The following COL22A1 variants were observed in gnomAD, a reference collection of about 807,000 sequenced individuals.
COL22A1 encodes collagen alpha-1(XXII) chain.
In COL22A1, 221 loss-of-function variants were observed where a neutral mutation model predicts 248.9. The observed-to-expected ratio is 0.89, with a 90% CI of 0.80 to 0.99. The LOEUF is 0.99. Ranked by LOEUF, COL22A1 falls within the 50% of genes least tolerant of loss-of-function variation. The pLI, the probability that COL22A1 is intolerant of heterozygous loss-of-function variation, is 0.00. For synonymous variants in COL22A1, 891 were observed against 793.4 expected (o/e 1.12, Z -2.07); for missense variants, 2,240 against 2,179.0 (o/e 1.03, Z -0.56).
chr8:138,788,031 G>T (rs1181612094), intron 12 of COL22A1, among the ~76,000 whole-genome samples: 1 of 152,210 alleles, frequency 6.6e-6, no homozygotes, highest in East Asian at 1.9e-4. Flanking sequence ...TGCTAGAGGT[G>T]CTGTTACTAA....
intron 13 of COL22A1, among the ~76,000 whole-genome samples, chr8:138,779,865 A>T (rs776348837): frequency 2.6e-5 from 4 of 152,216 alleles, no homozygotes; most frequent in Non-Finnish European, 5.9e-5. Flanking sequence ...TACTTGGCTC[A>T]AGTGATCCTT....
intron 57 of COL22A1, among the ~76,000 whole-genome samples, chr8:138,606,660 G>A (rs1360098260): frequency 1.3e-5 from 2 of 152,226 alleles, no homozygotes; most frequent in African/African-American, 4.8e-5. Flanking sequence ...AGAAGATGAG[G>A]TCTCCCTGTA....
At chr8:138,629,677 C>T (rs1329878656) in intron 50 of COL22A1, among the ~76,000 whole-genome samples, 3 of 152,148 alleles carry the variant, frequency 2.0e-5, no homozygotes, top group Admixed American at 2.0e-4. Flanking sequence ...GACTTAACTC[C>T]CAACTTGGAC....
At chr8:138,642,942 T>C (rs903334545) in intron 47 of COL22A1, among the ~76,000 whole-genome samples, 1 of 150,936 alleles carries the variant, frequency 6.6e-6, no homozygotes, top group Non-Finnish European at 1.5e-5. Flanking sequence ...GGCAGGAGAA[T>C]CGCTTGAACC....
At chr8:138,829,374 CCTT>C (rs1357037865) in intron 5 of COL22A1, among the ~76,000 whole-genome samples, 3 of 147,442 alleles carry the variant, frequency 2.0e-5, no homozygotes, top group Non-Finnish European at 4.5e-5. Context: ...TTCATTTTCT[CCTT>C]CTTTTCTTTA....
At chr8:138,806,238 T>C (rs1027403429) in intron 10 of COL22A1, among the ~76,000 whole-genome samples, 3 of 118,186 alleles carry the variant, frequency 2.5e-5, no homozygotes, top group African/African-American at 1.1e-4. Context: ...ATGTGTGTGA[T>C]GGTACGTGTG....
At chr8:138,805,250 G>GTCT (rs1817410709) in intron 10 of COL22A1, among the ~76,000 whole-genome samples, 1 of 146,614 alleles carries the variant, frequency 6.8e-6, no homozygotes, top group East Asian at 2.1e-4. Context: ...GATGGTGTCT[G>GTCT]ATGATGTGAG....
intron 3 of COL22A1, among the ~76,000 whole-genome samples, chr8:138,867,335 T>C (rs1357348752): frequency 2.0e-5 from 3 of 152,184 alleles, no homozygotes; most frequent in African/African-American, 7.2e-5. Context: ...ACTTCTCGAC[T>C]CTGCTCAACT....
Position 138,693,680 on chromosome 8 carries a change from C to T in COL22A1, c.2720G>A (p.Gly907Asp). 6.3e-7 allele frequency: 1 copy of T among 1,580,176 alleles called. No homozygotes were observed. Among genetic ancestry groups the T allele is most frequent in the East Asian group, 2.3e-5 (1 of 42,692 alleles). The change falls in exon 35 of 65, where the codon GGT becomes GAT. Residue 907 changes from glycine to aspartate, a missense_variant. Coordinates refer to ENST00000303045, the MANE Select transcript of COL22A1 (RefSeq NM_152888.3). ...TGPPGAKGQE[G>D]AHGAPGAAGN... ...AGCTGCTCCAGGAGCCCCATGTGCA[C>T]CTTCCTGTCCCTTGGCACCCTGCAC...
At chr8:138,700,278 G>A in intron 31 of COL22A1, 134 bp from the exon 32 acceptor site, 2 of 786,880 alleles carry the variant, frequency 2.5e-6, no homozygotes, top group Non-Finnish European at 4.2e-6. Flanking sequence ...TATTAGTTTT[G>A]ACAATTAGAT....
Position 138,636,768 on chromosome 8 carries a change from C to T in COL22A1, c.3529G>A (p.Gly1177Ser). ...TGATCACCTTTCTGCCCAACCTCAC[C>T]ATCTGCACCACGTTCTCCTTGACTT... ...QGSQGERGAD[G>S]EVGQKGDQGH... Residue 1177 changes from glycine (G) to serine (S), a missense_variant, in exon 48 of 65, where the codon GGT becomes AGT. Physicochemically the swap from Gly to Ser is moderately conservative, Grantham distance 56 (BLOSUM62 0). Coordinates refer to ENST00000303045, the MANE Select transcript of COL22A1 (RefSeq NM_152888.3). 1.2e-6 allele frequency: 2 copies of T among 1,613,550 alleles called. No individual in the cohort carries two copies. The highest frequency in any genetic ancestry group is 1.7e-6 in the Non-Finnish European group (2 of 1,179,632).
chr8:138,760,343 G>A (rs955064981), intron 17 of COL22A1, 56 bp from the exon 18 acceptor site: 1 of 1,512,228 alleles, frequency 6.6e-7, no homozygotes, highest in Non-Finnish European at 9.0e-7. Flanking sequence ...ACGGTGGTGG[G>A]GTGTTGGGGA....
At chr8:138,857,763 A>G (rs563311122) in intron 3 of COL22A1, among the ~76,000 whole-genome samples, 2 of 152,212 alleles carry the variant, frequency 1.3e-5, no homozygotes, top group Non-Finnish European at 2.9e-5. Flanking sequence ...CCTGTGGTCC[A>G]ACCCCCTTGT....
chr8:138,862,026 T>TAA (rs386414193), intron 3 of COL22A1, among the ~76,000 whole-genome samples: 56,250 of 92,638 alleles, frequency 0.61, 17,459 homozygotes, highest in East Asian at 0.9. Context: ...CTGTCTCTAC[T>TAA]AAAAAAAAAA....
Position 138,594,129 on chromosome 8 carries a change from G to A in COL22A1, c.4503C>T (p.Pro1501=). 1 of 1,576,842 alleles carries A rather than the reference G, an allele frequency of 6.3e-7. No individual in the cohort carries two copies. The highest frequency in any genetic ancestry group is 1.2e-5 in the South Asian group (1 of 85,704). The change falls in exon 63 of 65, where the codon CCC becomes CCT. Residue 1501 remains proline (P), a synonymous_variant. Coordinates refer to ENST00000303045, the MANE Select transcript of COL22A1 (RefSeq NM_152888.3). ...YMKSSQGRPG[P]PGPPGKDGLP... The stretch of plus-strand genomic sequence containing the variant: ...GCCCATCTTTTCCAGGGGGCCCTGG[G>A]GGCCCAGGTCTGCCTTGAGATGACT...
At chr8:138,655,617 C>A (rs1177905793) in intron 45 of COL22A1, among the ~76,000 whole-genome samples, 1 of 152,102 alleles carries the variant, frequency 6.6e-6, no homozygotes, top group Admixed American at 6.5e-5. Flanking sequence ...TAAGCTATCC[C>A]CACGACATGC....
At chr8:138,828,872 T>G (rs373722123) in intron 5 of COL22A1, among the ~76,000 whole-genome samples, 124 of 152,312 alleles carry the variant, frequency 8.1e-4, no homozygotes, top group African/African-American at 2.7e-3. Flanking sequence ...TCCTGGGCTC[T>G]TCTCTTAATC....
intron 52 of COL22A1, chr8:138,620,728 C>G (rs1295187731): frequency 1.3e-5 from 2 of 152,192 alleles, no homozygotes; most frequent in Non-Finnish European, 2.9e-5. Flanking sequence ...AGGCAAAACA[C>G]TGAGGCACAT....
At chr8:138,878,964 C>T (rs1220755175) in intron 2 of COL22A1, among the ~76,000 whole-genome samples, 4 of 152,106 alleles carry the variant, frequency 2.6e-5, no homozygotes, top group Non-Finnish European at 4.4e-5. Context: ...GCCGAGATTG[C>T]ACCACTGCAC....
Sources: gnomAD v4.1 joint callset for allele counts (sites outside exome capture counted in the v4.1 genomes callset) on GRCh38, gnomAD v4.1.1 for gene constraint, MANE v1.5 for transcripts, NCBI Gene and HGNC (gene_info 2026-07-23, HGNC 2026-07-21) for gene names.